The following PLEC variants were observed in gnomAD, a reference collection of about 807,000 sequenced individuals.
The protein encoded by PLEC is plectin, also known as hemidesmosomal protein 1.
A neutral mutation model predicts 392.8 loss-of-function variants in PLEC; 216 were observed. That is an observed-to-expected ratio of 0.55 (90% confidence interval 0.49 to 0.62). The LOEUF is 0.62. Ranked by LOEUF, PLEC falls within the 20% of genes least tolerant of loss-of-function variation. The pLI is 0.00. For synonymous variants in PLEC, 3,621 were observed against 2,980.6 expected (o/e 1.21, Z -7.00); for missense variants, 6,863 against 6,563.4 (o/e 1.05, Z -1.58).
At chr8:143,940,314 G>A (rs1554727788), upstream of PLEC, among the ~76,000 whole-genome samples, 2 of 152,206 alleles carry the variant, frequency 1.3e-5, no homozygotes, top group Admixed American at 6.5e-5. Flanking sequence ...ACGGAGGCCG[G>A]GCCTCATGGG....
chr8:143,929,189 A>G lies in PLEC; in HGVS notation c.3174T>C (p.Pro1058=). ...EKVLALPEPS[P]AAPTLRSELE... ...GCTCCGAGCGCAGCGTGGGGGCCGC[A>G]GGCGATGGCTCTGGTAGGGCCAAGA... The change falls in exon 25 of 32, where the codon CCT becomes CCC. Residue 1058 remains proline, a synonymous_variant. Coordinates refer to ENST00000345136, the MANE Select transcript of PLEC (RefSeq NM_201384.3). The G allele has an allele frequency of 6.2e-7, 1 of 1,600,536 alleles. No homozygotes were observed.
intron 1 of PLEC, among the ~76,000 whole-genome samples, chr8:143,949,124 A>G (rs1328442526): frequency 8.5e-5 from 13 of 152,308 alleles, no homozygotes; most frequent in African/African-American, 2.4e-4. Context: ...CAGGCCAGCC[A>G]GCACCAGGGC....
At chr8:143,957,280 A>G (rs1458912865), upstream of PLEC, among the ~76,000 whole-genome samples, 6 of 152,184 alleles carry the variant, frequency 3.9e-5, no homozygotes, top group Admixed American at 3.9e-4. Flanking sequence ...TCTGGCCCCA[A>G]TTCATGGATC....
chr8:143,932,678 C>T lies in PLEC; in HGVS notation c.1772G>A (p.Arg591His), dbSNP rs1554717827. ...CAGGTCCAGCCGACCCAGGCAGTCA[C>T]GGTAGGCACCCCGGGTGGCGGGGGA... ...QLSPATRGAY[R>H]DCLGRLDLQY... is the part of the protein sequence containing the mutation. The change falls in exon 15 of 32, where the codon CGT becomes CAT. Residue 591 changes from arginine (R) to histidine (H), a missense_variant. Coordinates refer to ENST00000345136, the MANE Select transcript of PLEC (RefSeq NM_201384.3). The T allele has an allele frequency of 1.7e-5, 27 of 1,610,126 alleles. No homozygotes were observed. The highest frequency in any genetic ancestry group is 3.3e-4 in the Middle Eastern group (2 of 6,060).
At chr8:143,944,519 C>T, upstream of PLEC, 1 of 507,848 alleles carries the variant, frequency 2.0e-6, no homozygotes, top group Non-Finnish European at 3.4e-6. Flanking sequence ...TGGGTGAGGG[C>T]ACATGAGGCA....
Position 143,916,657 on chromosome 8 carries a change from C to G in PLEC, c.13164G>C (p.Leu4388=), listed in dbSNP as rs782243355. 1.0e-4 allele frequency: 162 copies of G among 1,611,148 alleles called. No homozygotes were observed. Among genetic ancestry groups the G allele is most frequent in the Non-Finnish European group, 1.4e-4 (161 of 1,179,244 alleles). ...WLYYEAGQRF[L]EVQYLTGGLI... ...AGCCGCCGGTCAGGTACTGCACCTC[C>G]AGGAAGCGCTGGCCGGCCTCGTAGT... is the stretch of plus-strand genomic sequence containing the variant. Residue 4388 remains leucine (L), a synonymous_variant, in exon 32 of 32, where the codon CTG becomes CTC. Coordinates refer to ENST00000345136, the MANE Select transcript of PLEC (RefSeq NM_201384.3).
upstream of PLEC, chr8:143,973,594 A>C (rs1417211393): frequency 3.2e-5 from 30 of 936,302 alleles, no homozygotes; most frequent in Admixed American, 6.2e-5. The surrounding 1 kb of genome is among the most constrained non-coding windows in gnomAD (Gnocchi z 5.6). Flanking sequence ...CCGCCCCCGC[A>C]CCCAGGATGC....
rs369738267 is a variant in PLEC, at chr8:143,917,889, C to T, written c.11932G>A (p.Asp3978Asn). The T allele has an allele frequency of 2.7e-5, 43 of 1,612,962 alleles. No homozygotes were observed. Among genetic ancestry groups the T allele is most frequent in the Admixed American group, 1.7e-4 (10 of 60,004 alleles). Reference sequence around the variant, plus strand: ...GTCAGCTTCAGTCCCTTGATGGGGTCGATGACGTAACCGGTGGCCGCCTGC... The same window carrying T: ...GTCAGCTTCAGTCCCTTGATGGGGTTGATGACGTAACCGGTGGCCGCCTGC... ...EAQAATGYVI[D>N]PIKGLKLTVE... The change falls in exon 32 of 32, where the codon GAC (aspartate) becomes AAC (asparagine). Residue 3978 changes from aspartate (D) to asparagine (N), a missense_variant. Asp to Asn is a conservative substitution (Grantham distance 23, BLOSUM62 1). Coordinates refer to ENST00000345136, the MANE Select transcript of PLEC (RefSeq NM_201384.3).
chr8:143,947,047 C>T (rs1409392490), intron 1 of PLEC, among the ~76,000 whole-genome samples: 1 of 152,182 alleles, frequency 6.6e-6, no homozygotes, highest in African/African-American at 2.4e-5. Flanking sequence ...TAGAAGCCTG[C>T]CGGCGATCTA....
rs782521341 is a variant in PLEC, at chr8:143,924,524, T to C, written c.5405A>G (p.Glu1802Gly). ...EAGRFRELAE[E>G]AARLRALAEE... Reference sequence around the variant, plus strand: ...CGCCAGGGCACGCAGGCGGGCGGCCTCCTCGGCCAGCTCGCGGAACCGGCC... The same window carrying C: ...CGCCAGGGCACGCAGGCGGGCGGCCCCCTCGGCCAGCTCGCGGAACCGGCC... Residue 1802 changes from glutamate to glycine, a missense_variant, in exon 31 of 32, where the codon GAG becomes GGG. Glu to Gly is a moderately conservative substitution (Grantham distance 98, BLOSUM62 -2). Transcript: ENST00000345136. 5.2e-6 allele frequency: 8 copies of C among 1,540,392 alleles called. No homozygotes were observed. In the African/African-American group the frequency reaches 1.1e-4, roughly 21 times the overall value.
rs2132118237 is a variant in PLEC at position 143,935,847 on chromosome 8, C to T, written c.602+1G>A. The T allele has an allele frequency of 6.2e-7, 1 of 1,612,834 alleles. No homozygotes were observed. Among genetic ancestry groups the T allele is most frequent in the Non-Finnish European group, 8.5e-7 (1 of 1,179,950 alleles). On this transcript the variant is annotated splice_donor_variant, in intron 6 of 31. Coordinates refer to ENST00000345136, the MANE Select transcript of PLEC (RefSeq NM_201384.3). LOFTEE classifies it high-confidence loss of function. ...AGCCCCCTGCCCCCGGGGCCATGTA[C>T]TTGTGCCGGTGGATGATGGCATTGA...
intron 1 of PLEC, among the ~76,000 whole-genome samples, chr8:143,959,372 C>T (rs932583395): frequency 5.3e-5 from 8 of 152,216 alleles, no homozygotes; most frequent in African/African-American, 1.4e-4. Flanking sequence ...CAGCACAAAA[C>T]GTGCTGGAAT....
In PLEC at chr8:143,936,292, G is replaced by C. The variant is rs543680430; in HGVS notation, c.436-278C>G. On this transcript the variant is annotated intron_variant, in intron 5 of 31. Transcript: ENST00000345136. The stretch of plus-strand genomic sequence containing the variant: ...AACCCTCACTGCCACCACACAGCAG[G>C]TGCCCACTCCCCTAGCTGGGGAGGG... Among the ~76,000 whole-genome samples the C allele has an allele frequency of 5.3e-5, 8 of 152,304 alleles. No homozygotes were observed. In the South Asian group the frequency reaches 1.5e-3, roughly 28 times the overall value.
In PLEC at chr8:143,923,810, T is replaced by C. The variant is rs1554694309; in HGVS notation, c.6119A>G (p.Gln2040Arg). Residue 2040 changes from glutamine to arginine, a missense_variant, in exon 31 of 32, where the codon CAG (glutamine) becomes CGG (arginine). Transcript: ENST00000345136. The part of the protein sequence containing the change: ...QESARQLQLA[Q>R]EAAQKRLQAE... ...CTGCAGCCGCTTCTGGGCGGCCTCC[T>C]GGGCCAGCTGCAGCTGCCGCGCCGA... The C allele has an allele frequency of 6.3e-6, 10 of 1,581,844 alleles. No homozygotes were observed. Among genetic ancestry groups the C allele is most frequent in the Non-Finnish European group, 7.7e-6 (9 of 1,172,004 alleles).
chr8:143,946,562 C>T (rs186876273), intron 1 of PLEC: 31 of 395,846 alleles, frequency 7.8e-5, no homozygotes, highest in Non-Finnish European at 1.2e-4. Flanking sequence ...AGCCGACTGA[C>T]GGGTCAGACC....
Position 143,934,725 on chromosome 8 carries a change from C to A in PLEC, c.951G>T (p.Leu317=). ...FPSSFEEIEI[L]WSQFLKFKEM... ...CCTTAAACTTCAGGAACTGAGACCA[C>A]AGGATCTGCCAGGGACGAGGCTGTC... The change falls in exon 10 of 32, where the codon CTG becomes CTT. Residue 317 remains leucine (L), a synonymous_variant. Transcript: ENST00000345136. 1 of 1,612,496 alleles carries A rather than the reference C, an allele frequency of 6.2e-7. No homozygotes were observed.
chr8:143,946,790 G>A (rs1554732574), intron 1 of PLEC, among the ~76,000 whole-genome samples: 1 of 117,072 alleles, frequency 8.5e-6, no homozygotes, highest in East Asian at 2.9e-4. Flanking sequence ...GCATCCATGT[G>A]CCCAGCGGTA....
In PLEC at chr8:143,925,087, T is replaced by G; in HGVS notation, c.4842A>C (p.Ala1614=). 1 of 1,538,856 alleles carries G rather than the reference T, an allele frequency of 6.5e-7. No individual in the cohort carries two copies. The highest frequency in any genetic ancestry group is 8.7e-7 in the Non-Finnish European group (1 of 1,149,370). ...CCCGCTCGGCCTCGGCCTGCTGCTG[T>G]GCCCGCCGCTCAGCCTCCTCCCGCA... ...AQLREEAERR[A]QQQAEAERAR... is the part of the protein sequence containing the mutation. The change falls in exon 31 of 32, where the codon GCA becomes GCC. Residue 1614 remains alanine (A), a synonymous_variant. Coordinates refer to ENST00000345136, the MANE Select transcript of PLEC (RefSeq NM_201384.3).
At chr8:143,931,689 C>T in intron 18 of PLEC, 30 bp from the exon 19 acceptor site, 1 of 1,586,748 alleles carries the variant, frequency 6.3e-7, no homozygotes, top group East Asian at 2.3e-5. Context: ...TCACGCCAGG[C>T]TACCTGGGAC....
Sources: allele counts gnomAD v4.1 joint callset (sites outside exome capture counted in the v4.1 genomes callset), GRCh38; gene constraint gnomAD v4.1.1; non-coding constraint Gnocchi (gnomAD v3.1); transcripts MANE v1.5; gene names NCBI Gene and HGNC (gene_info 2026-07-23, HGNC 2026-07-21).